The following OLFML2A variants were observed in gnomAD, a reference collection of about 807,000 sequenced individuals.
OLFML2A encodes the protein olfactomedin-like protein 2A.
OLFML2A carries 47 observed loss-of-function variants against 60.9 expected under a neutral mutation model. That is an observed-to-expected ratio of 0.77 (90% CI 0.61 to 0.98). OLFML2A has a LOEUF of 0.98. OLFML2A is among the 50% of genes least tolerant of loss of function. OLFML2A has a pLI of 0.00. For synonymous variants in OLFML2A, 372 were observed against 375.0 expected (o/e 0.99, Z 0.09); for missense variants, 922 against 879.8 (o/e 1.05, Z -0.61).
intron 4 of OLFML2A, chr9:124,801,089 G>A (rs1841765940): frequency 1.9e-6 from 3 of 1,543,718 alleles, no homozygotes; most frequent in South Asian, 1.2e-5. Context: ...GCAGGTGGAG[G>A]AGGCTGCCTC....
intron 2 of OLFML2A, among the ~76,000 whole-genome samples, chr9:124,793,446 C>G (rs1463347438): frequency 6.6e-6 from 1 of 152,176 alleles, no homozygotes; most frequent in African/African-American, 2.4e-5. Context: ...CTGCCATTTC[C>G]CCGTCTGACC....
intron 7 of OLFML2A, among the ~76,000 whole-genome samples, chr9:124,809,390 G>A (rs139255026): frequency 4.3e-4 from 66 of 152,154 alleles, no homozygotes; most frequent in African/African-American, 1.5e-3. Flanking sequence ...AGGCTAGGGA[G>A]GTCAGTGAAG....
At chr9:124,793,876 A>C (rs1841613286) in intron 2 of OLFML2A, among the ~76,000 whole-genome samples, 2 of 152,178 alleles carry the variant, frequency 1.3e-5, no homozygotes, top group Non-Finnish European at 2.9e-5. Context: ...CCATCTCTAC[A>C]AAACATAAAA....
At chr9:124,791,023 C>A (rs1841560678) in intron 2 of OLFML2A, among the ~76,000 whole-genome samples, 1 of 152,212 alleles carries the variant, frequency 6.6e-6, no homozygotes, top group Non-Finnish European at 1.5e-5. Context: ...TGCCTTTTCA[C>A]CTCCCCACTC....
Position 124,804,272 on chromosome 9 carries a change from CACCA to C in OLFML2A, c.1099_1102del (p.Thr367ProfsTer39). 2 of 1,583,488 alleles carry C rather than the reference CACCA, an allele frequency of 1.3e-6. No individual in the cohort carries two copies. Among genetic ancestry groups the C allele is most frequent in the Non-Finnish European group, 1.7e-6 (2 of 1,163,816 alleles). ...TCCCTGCCACCACCACCACCGCCAC[CACCA>C]CCCCAACCCCCACCACCAGTCTCCT... On this transcript the variant is annotated frameshift_variant, in exon 6 of 8. Coordinates refer to ENST00000373580, the MANE Select transcript of OLFML2A (RefSeq NM_182487.4). LOFTEE classifies it high-confidence loss of function.
At chr9:124,794,962 C>A in intron 2 of OLFML2A, 62 bp from the exon 3 acceptor site, 2 of 993,244 alleles carry the variant, frequency 2.0e-6, no homozygotes, top group South Asian at 2.9e-5. Flanking sequence ...TTCCTTTTAC[C>A]CTCTGTGTCT....
chr9:124,791,029 C>G (rs1841560855), intron 2 of OLFML2A, among the ~76,000 whole-genome samples: 1 of 152,200 alleles, frequency 6.6e-6, no homozygotes, highest in Admixed American at 6.5e-5. Flanking sequence ...TTCACCTCCC[C>G]ACTCCTTTTT....
intron 1 of OLFML2A, among the ~76,000 whole-genome samples, chr9:124,781,470 A>G (rs1199664521): frequency 6.6e-6 from 1 of 152,092 alleles, no homozygotes; most frequent in Non-Finnish European, 1.5e-5. Flanking sequence ...GGGGCTGGCC[A>G]TGAGGAAAAA....
chr9:124,814,066 C>T lies in OLFML2A; in HGVS notation c.*3654C>T, dbSNP rs984100603. 6.6e-6 allele frequency: 1 copy of T among 152,230 alleles called. No individual in the cohort carries two copies. Among genetic ancestry groups the T allele is most frequent in the Non-Finnish European group, 1.5e-5 (1 of 68,062 alleles). 9.4% of individuals were successfully genotyped at this position (152,230 alleles called of 1,614,324 possible). A position where few individuals can be genotyped will look rare whatever the true frequency, so the allele number is the denominator to read the frequency against. On this transcript the variant is annotated 3_prime_UTR_variant, in exon 8 of 8. Transcript: ENST00000373580. ...GGCTTTGGCTACCTCTTGCGTTCCC[C>T]CTAGAGATGTCCAGGCCTTACATTT...
chr9:124,801,362 C>G (rs1841770458), intron 4 of OLFML2A, 52 bp from the exon 5 acceptor site: 20 of 1,598,964 alleles, frequency 1.3e-5, no homozygotes, highest in Admixed American at 1.7e-5. Flanking sequence ...CAGGACTCCC[C>G]ACAACATTTC....
chr9:124,812,447 C>CT lies in OLFML2A; in HGVS notation c.*2035_*2036insT, dbSNP rs1474662280. ...AAGTGTTGGGATTACAGGCATGAGC[C>CT]ACTGCGCCTGGCCAGCAAATGCTTT... On this transcript the variant is annotated 3_prime_UTR_variant, in exon 8 of 8. Transcript: ENST00000373580. The CT allele has an allele frequency of 6.6e-6, 1 of 152,328 alleles. No individual in the cohort carries two copies. The highest frequency in any genetic ancestry group is 1.5e-5 in the Non-Finnish European group (1 of 68,130). The allele number at this position is 152,328 out of a possible 1,614,324, so 9.4% of individuals were successfully genotyped here. A position where few individuals can be genotyped will look rare whatever the true frequency, so the allele number is the denominator to read the frequency against.
chr9:124,796,769 A>G (rs1841678195), intron 3 of OLFML2A, among the ~76,000 whole-genome samples: 1 of 152,164 alleles, frequency 6.6e-6, no homozygotes, highest in East Asian at 1.9e-4. Flanking sequence ...CTTTGCCCCC[A>G]GGGGAAAGCT....
At position 124,801,642 on chromosome 9, in the gene OLFML2A, G is replaced by A. The variant is rs1326745007; in HGVS notation, c.898G>A (p.Glu300Lys). The stretch of plus-strand genomic sequence containing the variant: ...CACCTACTACAAGGCAGGCAAGCAG[G>A]AGGTGACCGAGGCGGTGGCAGGTGA... Reference protein sequence around the residue: ...GFTYYKAGKQEVTEAVADNTL... With the variant: ...GFTYYKAGKQKVTEAVADNTL... The change falls in exon 5 of 8, where the codon GAG becomes AAG. Residue 300 changes from glutamate to lysine, a missense_variant. Glu to Lys is a moderately conservative substitution (Grantham distance 56). Coordinates refer to ENST00000373580, the MANE Select transcript of OLFML2A (RefSeq NM_182487.4). The A allele has an allele frequency of 1.2e-6, 2 of 1,613,362 alleles. No individual in the cohort carries two copies.
rs754879012 is a variant in OLFML2A, at chr9:124,799,298, A to G, written c.476A>G (p.Asn159Ser). ...MNTLEESIKA[N>S]LSRENEVVKD... ...CCCCCTCCGCAGAGCATCAAGGCCAACCTGAGCCGGGAGAATGAGGTGGTG... is the reference window on the plus strand; with the variant it reads ...CCCCCTCCGCAGAGCATCAAGGCCAGCCTGAGCCGGGAGAATGAGGTGGTG... Residue 159 changes from asparagine to serine, a missense_variant, in exon 4 of 8, where the codon AAC becomes AGC. Coordinates refer to ENST00000373580, the MANE Select transcript of OLFML2A (RefSeq NM_182487.4). 1.1e-5 allele frequency: 18 copies of G among 1,611,318 alleles called. No homozygotes were observed. Among genetic ancestry groups the G allele is most frequent in the Non-Finnish European group, 1.5e-5 (18 of 1,177,944 alleles).
At chr9:124,795,512 C>T (rs1453740017) in intron 3 of OLFML2A, among the ~76,000 whole-genome samples, 1 of 152,234 alleles carries the variant, frequency 6.6e-6, no homozygotes, top group African/African-American at 2.4e-5. Flanking sequence ...GGCGCAGTGC[C>T]TCACACCTGT....
chr9:124,787,358 A>T (rs1351793767), intron 2 of OLFML2A, 120 bp downstream of exon 2: 20 of 980,256 alleles, frequency 2.0e-5, no homozygotes, highest in Non-Finnish European at 2.9e-5. Context: ...CATTTCACAG[A>T]TGAGGAAACT....
chr9:124,811,140 G>T lies in OLFML2A; in HGVS notation c.*728G>T. 6.5e-6 allele frequency: 1 copy of T among 152,844 alleles called. No homozygotes were observed. The highest frequency in any genetic ancestry group is 2.4e-5 in the African/African-American group (1 of 41,554). 9.5% of individuals were successfully genotyped at this position (152,844 alleles called of 1,614,324 possible). On this transcript the variant is annotated 3_prime_UTR_variant, in exon 8 of 8. Transcript: ENST00000373580. ...AGAAAATCCCATCCTCTGTTCCAAG[G>T]CCCCTGTCTGCTCTATGCTCATTTT...
chr9:124,781,772 C>T (rs1304070679), intron 1 of OLFML2A, among the ~76,000 whole-genome samples: 1 of 137,932 alleles, frequency 7.2e-6, no homozygotes, highest in Non-Finnish European at 1.5e-5. Flanking sequence ...CCAGCCCGGG[C>T]AACAGAGCAA....
At chr9:124,804,787 C>T (rs1841857929) in intron 6 of OLFML2A, among the ~76,000 whole-genome samples, 1 of 151,848 alleles carries the variant, frequency 6.6e-6, no homozygotes, top group African/African-American at 2.4e-5. Flanking sequence ...TGGCTCATTG[C>T]AACCTCCATC....
Sources: allele counts gnomAD v4.1 joint callset (sites outside exome capture counted in the v4.1 genomes callset), GRCh38; gene constraint gnomAD v4.1.1; transcripts MANE v1.5; gene names NCBI Gene and HGNC (gene_info 2026-07-23, HGNC 2026-07-21).